ZNF254: variants seen among roughly 807,000 people sequenced by gnomAD.
The protein encoded by ZNF254 is zinc finger protein 254, also known as CTD-2017D11.1.
In ZNF254, 10 loss-of-function variants were observed where a neutral mutation model predicts 12.4. The ratio of observed to expected loss-of-function variants is 0.80; its 90% confidence interval spans 0.50 to 1.36. The LOEUF is 1.36. Ranked by LOEUF, ZNF254 falls within the 40% of genes most tolerant of loss-of-function variation. The pLI is 0.00. For missense variants in ZNF254, 996 were observed against 763.9 expected (o/e 1.30, Z -3.58); for synonymous variants, 305 against 253.4 (o/e 1.20, Z -1.93).
chr19:24,112,803 A>G (rs897001456), intron 3 of ZNF254, among the ~76,000 whole-genome samples: 3 of 152,190 alleles, frequency 2.0e-5, no homozygotes, highest in African/African-American at 7.2e-5. Context: ...AAAGAAAAAA[A>G]CATAGAAGAA....
chr19:24,115,584 T>C (rs1199870465), intron 3 of ZNF254, among the ~76,000 whole-genome samples: 6 of 151,314 alleles, frequency 4.0e-5, no homozygotes, highest in Non-Finnish European at 5.9e-5. Flanking sequence ...AGATGACGAG[T>C]TAATGGGTGC....
intron 2 of ZNF254, among the ~76,000 whole-genome samples, chr19:24,054,841 A>G (rs929271183): frequency 1.3e-5 from 2 of 152,174 alleles, no homozygotes; most frequent in African/African-American, 4.8e-5. Context: ...AAGTATGGTC[A>G]TGGGTGCTTA....
chr19:24,042,962 A>G (rs1285093133), intron 1 of ZNF254, among the ~76,000 whole-genome samples: 1 of 152,192 alleles, frequency 6.6e-6, no homozygotes, highest in African/African-American at 2.4e-5. Context: ...AGTGAGGTTT[A>G]TAAATTGTCA....
intron 2 of ZNF254, among the ~76,000 whole-genome samples, chr19:24,074,550 C>T (rs890116391): frequency 3.9e-5 from 6 of 152,108 alleles, no homozygotes; most frequent in East Asian, 1.9e-4. Context: ...CATGAAAGAG[C>T]GTGACTTATC....
In ZNF254 at chr19:24,091,978, C is replaced by G. The variant is rs780347292; in HGVS notation, c.30+4641C>G. The G allele has an allele frequency of 1.9e-4, 46 of 239,864 alleles. 1 individual carries two copies. Among genetic ancestry groups the G allele is most frequent in the Non-Finnish European group, 2.8e-4 (42 of 149,566 alleles). The allele number at this position is 239,864 out of a possible 1,614,324, so 14.9% of individuals were successfully genotyped here. On this transcript the variant is annotated intron_variant, in intron 1 of 3. Coordinates refer to ENST00000357002, the MANE Select transcript of ZNF254 (RefSeq NM_203282.4). ...CACTGCAAGCTCTGTCTCCCGGGTT[C>G]ACGCCGTTCTCAGCCTCTCGAGCAG...
At chr19:24,084,867 T>C (rs1260380651), upstream of ZNF254, among the ~76,000 whole-genome samples, 1 of 151,946 alleles carries the variant, frequency 6.6e-6, no homozygotes, top group African/African-American at 2.4e-5. Flanking sequence ...GCTTAAGCAG[T>C]CTTCATTTCT....
At chr19:24,108,277 C>A (rs1973459115) in intron 3 of ZNF254, among the ~76,000 whole-genome samples, 1 of 152,148 alleles carries the variant, frequency 6.6e-6, no homozygotes, top group South Asian at 2.1e-4. Context: ...AGGCAGGACC[C>A]CCCCAGACTG....
chr19:24,110,815 A>G (rs1973625270), intron 3 of ZNF254, among the ~76,000 whole-genome samples: 1 of 152,084 alleles, frequency 6.6e-6, no homozygotes, highest in Admixed American at 6.6e-5. Flanking sequence ...ATTTCAGTGG[A>G]CATAATATTC....
chr19:24,115,872 CT>C, intron 3 of ZNF254, among the ~76,000 whole-genome samples: 1 of 152,188 alleles, frequency 6.6e-6, no homozygotes, highest in East Asian at 1.9e-4. Flanking sequence ...CCTTCAGGAG[CT>C]CTTTTAGGGC....
chr19:24,110,853 A>T (rs867575535), intron 3 of ZNF254, among the ~76,000 whole-genome samples: 1 of 148,284 alleles, frequency 6.7e-6, no homozygotes, highest in South Asian at 2.1e-4. Flanking sequence ...AAGTGACAAG[A>T]TTTTTTTTTT....
At chr19:24,051,718 A>G (rs1350286399) in intron 2 of ZNF254, among the ~76,000 whole-genome samples, 1 of 151,678 alleles carries the variant, frequency 6.6e-6, no homozygotes, top group Admixed American at 6.6e-5. Context: ...GGGTATTATG[A>G]AATATCTTTC....
chr19:24,106,723 A>G (rs1163024910), intron 3 of ZNF254, 80 bp downstream of exon 3: 1 of 1,248,718 alleles, frequency 8.0e-7, no homozygotes, highest in Non-Finnish European at 1.1e-6. Context: ...AAGTGATTTA[A>G]GAAGCTGTGA....
chr19:24,117,861 A>G (rs4932744), intron 3 of ZNF254, among the ~76,000 whole-genome samples: 74,033 of 151,626 alleles, frequency 0.49, 18,982 homozygotes, highest in African/African-American at 0.64. Context: ...TTTTTTTAAA[A>G]CTGAATCATA....
intron 1 of ZNF254, chr19:24,104,015 A>G (rs868245013): frequency 2.0e-5 from 3 of 152,176 alleles, no homozygotes; most frequent in African/African-American, 7.2e-5. Context: ...GTGAGACACC[A>G]CACCCAGCCA....
intron 1 of ZNF254, among the ~76,000 whole-genome samples, chr19:24,096,784 A>G (rs1449994058): frequency 6.6e-6 from 1 of 152,164 alleles, no homozygotes; most frequent in Admixed American, 6.6e-5. Flanking sequence ...TTATTGTGTC[A>G]TAATTTAAAA....
In ZNF254 at chr19:24,128,005, C is replaced by G. The variant is rs1975023192; in HGVS notation, c.*25C>G. The G allele has an allele frequency of 6.6e-7, 1 of 1,514,566 alleles. No homozygotes were observed. 93.8% of individuals were successfully genotyped at this position (1,514,566 alleles called of 1,614,324 possible). On this transcript the variant is annotated 3_prime_UTR_variant, in exon 4 of 4. Transcript: ENST00000357002. Reference sequence around the variant, plus strand: ...AATAATGTGCCAAAGCCTAAGAAAACCCTCAATTCTTAATAGATATAAGAT... The same window carrying G: ...AATAATGTGCCAAAGCCTAAGAAAAGCCTCAATTCTTAATAGATATAAGAT...
At chr19:24,111,629 T>C (rs1370545344) in intron 3 of ZNF254, among the ~76,000 whole-genome samples, 5 of 152,260 alleles carry the variant, frequency 3.3e-5, no homozygotes, top group Non-Finnish European at 7.3e-5. Flanking sequence ...TTCCTGACTT[T>C]TTAATGATCG....
At chr19:24,104,774 G>GT (rs1225482305) in intron 1 of ZNF254, 1 of 152,076 alleles carries the variant, frequency 6.6e-6, no homozygotes, top group Non-Finnish European at 1.5e-5. Flanking sequence ...AAAACCTGGG[G>GT]TTCTTAGTAA....
At position 24,129,381 on chromosome 19, in the gene ZNF254, T is replaced by G. The variant is rs1249057559; in HGVS notation, c.*1401T>G. ...AATGAAGTGTTCTTATGCCACTAAC[T>G]TTAACCTATTCCCTTACTCAAGGAT... On this transcript the variant is annotated 3_prime_UTR_variant, in exon 4 of 4. Transcript: ENST00000357002. 2.0e-5 allele frequency: 3 copies of G among 152,034 alleles called. No homozygotes were observed. The highest frequency in any genetic ancestry group is 6.6e-5 in the Admixed American group (1 of 15,266). The allele number at this position is 152,034 out of a possible 1,614,324, so 9.4% of individuals were successfully genotyped here. A position where few individuals can be genotyped will look rare whatever the true frequency, so the allele number is the denominator to read the frequency against.
Sources: gnomAD v4.1 joint callset for allele counts (sites outside exome capture counted in the v4.1 genomes callset) on GRCh38, gnomAD v4.1.1 for gene constraint, MANE v1.5 for transcripts, NCBI Gene and HGNC (gene_info 2026-07-23, HGNC 2026-07-21) for gene names.